UGT1A7: variants seen among roughly 807,000 people sequenced by gnomAD.
UGT1A7 encodes the protein UDP-glucuronosyltransferase 1A7.
UGT1A7 carries 33 observed loss-of-function variants against 45.6 expected under a neutral mutation model. The observed-to-expected ratio is 0.72, with a 90% CI of 0.55 to 0.97. The LOEUF (loss-of-function observed/expected upper bound fraction) is 0.97. UGT1A7 is among the 50% of genes least tolerant of loss of function. UGT1A7 has a pLI of 0.00. For missense variants in UGT1A7, 684 were observed against 666.2 expected (o/e 1.03, Z -0.29); for synonymous variants, 274 against 250.6 (o/e 1.09, Z -0.88).
At chr2:233,740,906 T>C (rs1395590000) in intron 1 of UGT1A7, 5 of 141,866 alleles carry the variant, frequency 3.5e-5, no homozygotes, top group East Asian at 3.9e-4. Flanking sequence ...TAGGTCAACA[T>C]TGTTCCCATC....
intron 1 of UGT1A7, among the ~76,000 whole-genome samples, chr2:233,765,711 T>TTAATAA (rs10664358): frequency 0.086 from 12,799 of 149,198 alleles, 827 homozygotes; most frequent in East Asian, 0.2. Flanking sequence ...ATAATAATAA[T>TTAATAA]TAATAATAAT....
intron 1 of UGT1A7, among the ~76,000 whole-genome samples, chr2:233,696,803 G>A (rs1216746624): frequency 1.3e-5 from 2 of 152,130 alleles, no homozygotes; most frequent in African/African-American, 4.8e-5. Flanking sequence ...TGTTCCTTCT[G>A]TAGCCAGTTT....
At chr2:233,703,893 C>A (rs7567229) in intron 1 of UGT1A7, among the ~76,000 whole-genome samples, 56,931 of 151,252 alleles carry the variant, frequency 0.38, 11,775 homozygotes, top group African/African-American at 0.55. Flanking sequence ...TCATTTTTTT[C>A]TTTTCTTTTT....
At chr2:233,729,480 C>A in intron 1 of UGT1A7, 2 of 1,614,162 alleles carry the variant, frequency 1.2e-6, no homozygotes. Flanking sequence ...CAATGTTGAA[C>A]AATATGTCTT....
At chr2:233,748,116 G>A in intron 1 of UGT1A7, 1 of 1,611,622 alleles carries the variant, frequency 6.2e-7, no homozygotes, top group Admixed American at 1.7e-5. Flanking sequence ...AATGTTCCAG[G>A]CAAAACAGTT....
intron 1 of UGT1A7, among the ~76,000 whole-genome samples, chr2:233,730,578 C>A (rs757044136): frequency 1.3e-5 from 2 of 152,094 alleles, no homozygotes; most frequent in Non-Finnish European, 2.9e-5. Context: ...AGTTCAGTTT[C>A]CAGACAGGGA....
chr2:233,734,394 G>A (rs574179934), intron 1 of UGT1A7, among the ~76,000 whole-genome samples: 7 of 152,088 alleles, frequency 4.6e-5, no homozygotes, highest in South Asian at 2.1e-4. Flanking sequence ...TTTTTATTGC[G>A]TCTATTTGAT....
chr2:233,757,535 A>AATATATATACATATAT (rs376887521), intron 1 of UGT1A7, among the ~76,000 whole-genome samples: 314 of 87,900 alleles, frequency 3.6e-3, no homozygotes, highest in Non-Finnish European at 5.4e-3. Context: ...GCCTGTAAGG[A>AATATATATACATATAT]ATATATATAT....
Position 233,768,319 on chromosome 2 carries a change from G to C in UGT1A7, c.1175G>C (p.Gly392Ala), listed in dbSNP as rs367897068. The C allele has an allele frequency of 1.4e-5, 23 of 1,614,162 alleles. No individual in the cohort carries two copies. In the South Asian group the frequency reaches 2.2e-4, roughly 15 times the overall value. ...CCCATGGTGATGATGCCCTTGTTTG[G>C]TGATCAGATGGACAATGCAAAGCGC... is the stretch of plus-strand genomic sequence containing the variant. ...GVPMVMMPLF[G>A]DQMDNAKRME... The change falls in exon 4 of 5, where the codon GGT (glycine) becomes GCT (alanine). Residue 392 changes from glycine to alanine, a missense_variant. Transcript: ENST00000373426.
chr2:233,689,907 A>G, intron 1 of UGT1A7: 1 of 456,722 alleles, frequency 2.2e-6, no homozygotes, highest in South Asian at 1.5e-5. Flanking sequence ...AGGGCCAGGT[A>G]GGTGCCTGGA....
chr2:233,729,197 C>A, intron 1 of UGT1A7: 1 of 1,614,002 alleles, frequency 6.2e-7, no homozygotes, highest in Non-Finnish European at 8.5e-7. Context: ...AGTGTCCAGC[C>A]CTGGGCTGAG....
intron 1 of UGT1A7, chr2:233,747,682 G>A: frequency 6.2e-7 from 1 of 1,608,610 alleles, no homozygotes; most frequent in Admixed American, 1.7e-5. Flanking sequence ...ATTTACCTCT[G>A]TGGGGCAGTG....
At chr2:233,732,500 A>G (rs1425812715) in intron 1 of UGT1A7, among the ~76,000 whole-genome samples, 1 of 152,238 alleles carries the variant, frequency 6.6e-6, no homozygotes, top group Non-Finnish European at 1.5e-5. Context: ...GGCGTAAGGA[A>G]GGGATCCTGT....
At chr2:233,690,381 G>T in intron 1 of UGT1A7, 3 of 1,010,228 alleles carry the variant, frequency 3.0e-6, no homozygotes, top group Non-Finnish European at 4.0e-6. Context: ...TAGGGTCCAC[G>T]TTTCCAGACC....
intron 1 of UGT1A7, among the ~76,000 whole-genome samples, chr2:233,733,368 G>A (rs1157903403): frequency 6.6e-6 from 1 of 152,148 alleles, no homozygotes; most frequent in African/African-American, 2.4e-5. Context: ...GGTGAGAGAG[G>A]TCATCCTTGT....
At chr2:233,766,252 C>T (rs1204251588) in intron 1 of UGT1A7, among the ~76,000 whole-genome samples, 7 of 151,626 alleles carry the variant, frequency 4.6e-5, no homozygotes, top group South Asian at 2.1e-4. Flanking sequence ...GGAGTCAGAC[C>T]GCTCAGTGGC....
chr2:233,760,285 G>A (rs376515645), intron 1 of UGT1A7: 12 of 1,612,814 alleles, frequency 7.4e-6, no homozygotes, highest in African/African-American at 4.0e-5. Context: ...GAGCAAAGGC[G>A]CCATGGCTGT....
At position 233,682,729 on chromosome 2, in the gene UGT1A7, C is replaced by G; in HGVS notation, c.792C>G (p.Pro264=). 1.2e-5 allele frequency: 19 copies of G among 1,613,830 alleles called. No individual in the cohort carries two copies. The highest frequency in any genetic ancestry group is 1.6e-5 in the Non-Finnish European group (19 of 1,179,800). Reference sequence around the variant, plus strand: ...ACTTTGTTTTGGAGTATCCCAAACCCGTGATGCCCAATATGATCTTCATTG... The same window carrying G: ...ACTTTGTTTTGGAGTATCCCAAACCGGTGATGCCCAATATGATCTTCATTG... ...RTDFVLEYPK[P]VMPNMIFIGG... Residue 264 remains proline, a synonymous_variant, in exon 1 of 5, where the codon CCC becomes CCG. Transcript: ENST00000373426.
intron 1 of UGT1A7, among the ~76,000 whole-genome samples, chr2:233,750,359 T>C (rs1390894315): frequency 6.6e-6 from 1 of 151,860 alleles, no homozygotes; most frequent in Non-Finnish European, 1.5e-5. Context: ...AACTTATGTT[T>C]AAAAGGGAAG....
Sources: gnomAD v4.1 joint callset for allele counts (sites outside exome capture counted in the v4.1 genomes callset) on GRCh38, gnomAD v4.1.1 for gene constraint, MANE v1.5 for transcripts, NCBI Gene and HGNC (gene_info 2026-07-23, HGNC 2026-07-21) for gene names.